Variants in CRYGB observed in about 807,000 individuals in gnomAD.
CRYGB encodes crystallin gamma B, also known as gamma-crystallin B.
CRYGB carries 19 observed loss-of-function variants against 21.3 expected under a neutral mutation model. That is an observed-to-expected ratio of 0.89 (90% CI 0.62 to 1.31). CRYGB has a LOEUF of 1.31. CRYGB is among the 50% of genes most tolerant of loss of function. The pLI is 0.00. For missense variants in CRYGB, 254 were observed against 228.4 expected, an observed-to-expected ratio of 1.11 and a Z score of -0.72; for synonymous variants, 81 against 81.2, an observed-to-expected ratio of 1.00 and a Z score of 0.01.
intron 2 of CRYGB, among the ~76,000 whole-genome samples, chr2:208,145,418 G>A (rs762224462): frequency 3.3e-5 from 5 of 151,974 alleles, no homozygotes; most frequent in Non-Finnish European, 7.4e-5. Flanking sequence ...GCCGGATGCC[G>A]TGGTTCACAC....
chr2:208,145,463 C>T lies in CRYGB; in HGVS notation c.252+311G>A, dbSNP rs373719571. Among the ~76,000 whole-genome samples, 19 of 152,056 alleles carry T rather than the reference C, an allele frequency of 1.2e-4. No individual in the cohort carries two copies. In the South Asian group the frequency reaches 3.1e-3, roughly 25 times the overall value. The stretch of plus-strand genomic sequence containing the variant: ...CAGCACTTTGGGAGGCCGAGGCGGG[C>T]GGATCACTTGAGGCCAGGAGTTCGA... On this transcript the variant is annotated intron_variant, in intron 2 of 2. Coordinates refer to ENST00000260988, the MANE Select transcript of CRYGB (RefSeq NM_005210.4).
intron 1 of CRYGB, 24 bp downstream of exon 1, chr2:208,146,087 TG>T: frequency 6.2e-7 from 1 of 1,614,238 alleles, no homozygotes; most frequent in Non-Finnish European, 8.5e-7. Context: ...GGGCCAAGGC[TG>T]AGCATCCGGT....
At position 208,145,884 on chromosome 2, in the gene CRYGB, G is replaced by T. The variant is rs533669764; in HGVS notation, c.142C>A (p.Arg48Ser). 14 of 1,614,044 alleles carry T rather than the reference G, an allele frequency of 8.7e-6. No homozygotes were observed. The highest frequency in any genetic ancestry group is 1.2e-5 in the Non-Finnish European group (14 of 1,180,010). Residue 48 changes from arginine (R) to serine (S), a missense_variant, in exon 2 of 3, where the codon CGC (arginine) becomes AGC (serine). Arg to Ser is a moderately radical substitution (Grantham distance 110, BLOSUM62 -1). Transcript: ENST00000260988. ...TACTGGTGGCCCTGGTAGTTGGGGC[G>T]CTCATAGATCATCCAGCAGCCGCTC... ...VESGCWMIYE[R>S]PNYQGHQYFL...
Position 208,146,005 on chromosome 2 carries a change from G to T in CRYGB, c.21C>A (p.Tyr7Ter). MGKITF[Y>*]EDRAFQGRSY... ...TGCGGCCCTGGAAGGCCCTGTCCTC[G>T]TAGAAGGTGATCTGAAAAATGGAAG... Residue 7 changes from tyrosine (Y) to a stop codon, truncating the protein, a stop_gained, in exon 2 of 3, where the codon TAC becomes TAA. Transcript: ENST00000260988. LOFTEE classifies it high-confidence loss of function. The T allele has an allele frequency of 1.9e-6, 3 of 1,614,160 alleles. No individual in the cohort carries two copies. Among genetic ancestry groups the T allele is most frequent in the African/African-American group, 1.3e-5 (1 of 75,026 alleles).
At position 208,142,793 on chromosome 2, in the gene CRYGB, G is replaced by C. The variant is rs199798602; in HGVS notation, c.373C>G (p.Leu125Val). The C allele has an allele frequency of 2.7e-5, 43 of 1,614,156 alleles. No individual in the cohort carries two copies. The highest frequency in any genetic ancestry group is 1.0e-4 in the Admixed American group (6 of 60,022). The change falls in exon 3 of 3, where the codon CTC becomes GTC. Residue 125 changes from leucine (L) to valine (V), a missense_variant. Physicochemically the swap from Leu to Val is conservative, Grantham distance 32. Coordinates refer to ENST00000260988, the MANE Select transcript of CRYGB (RefSeq NM_005210.4). ...ATCCAGCTGCCCTCCAGCACATTGA[G>C]GGAGTGAATTTCAGTGAGGTGGAAG... ...DRFHLTEIHSLNVLEGSWILY... is the reference protein window; with the variant it reads ...DRFHLTEIHSVNVLEGSWILY...
rs1411050773 is a variant in CRYGB, at chr2:208,145,864, G to C, written c.162C>G (p.His54Gln). Residue 54 changes from histidine (H) to glutamine (Q), a missense_variant, in exon 2 of 3, where the codon CAC becomes CAG. Physicochemically the swap from His to Gln is conservative, Grantham distance 24. Coordinates refer to ENST00000260988, the MANE Select transcript of CRYGB (RefSeq NM_005210.4). ...MIYERPNYQGHQYFLRRGEYP... is the reference protein window; with the variant it reads ...MIYERPNYQGQQYFLRRGEYP... ...ACTCCCCACGCCGCAGGAAGTACTGGTGGCCCTGGTAGTTGGGGCGCTCAT... is the reference window on the plus strand; with the variant it reads ...ACTCCCCACGCCGCAGGAAGTACTGCTGGCCCTGGTAGTTGGGGCGCTCAT... 1 of 1,614,096 alleles carries C rather than the reference G, an allele frequency of 6.2e-7. No individual in the cohort carries two copies. The highest frequency in any genetic ancestry group is 1.1e-5 in the South Asian group (1 of 91,086).
In CRYGB at chr2:208,142,729, A is replaced by G; in HGVS notation, c.437T>C (p.Leu146Pro). ...EMPNYRGRQY[L>P]LRPGEYRRFL... Reference sequence around the variant, plus strand: ...CCTCCTGTACTCCCCCGGCCTCAGCAGATACTGCCTCCCCCTGTAGTTGGG... The same window carrying G: ...CCTCCTGTACTCCCCCGGCCTCAGCGGATACTGCCTCCCCCTGTAGTTGGG... Residue 146 changes from leucine (L) to proline (P), a missense_variant, in exon 3 of 3, where the codon CTG becomes CCG. By Grantham distance (98) the Leu-to-Pro change is moderately conservative. Coordinates refer to ENST00000260988, the MANE Select transcript of CRYGB (RefSeq NM_005210.4). 2 of 1,614,160 alleles carry G rather than the reference A, an allele frequency of 1.2e-6. No homozygotes were observed. The highest frequency in any genetic ancestry group is 1.7e-6 in the Non-Finnish European group (2 of 1,180,022).
intron 2 of CRYGB, among the ~76,000 whole-genome samples, chr2:208,145,083 A>C (rs890146629): frequency 6.6e-6 from 1 of 152,204 alleles, no homozygotes; most frequent in Non-Finnish European, 1.5e-5. Flanking sequence ...CTTTAGTTTC[A>C]GATTTGGCCT....
chr2:208,146,099 A>T lies in CRYGB; in HGVS notation c.9+13T>A, dbSNP rs184047772. The T allele has an allele frequency of 0.059, 95,737 of 1,614,056 alleles. 3,373 individuals carry two copies. The highest frequency in any genetic ancestry group is 0.067 in the Non-Finnish European group (78,914 of 1,179,902). ...TTAGGGCCAAGGCTGAGCATCCGGTACCCAGGACTTACCTTTCCCATTTTG... is the reference window on the plus strand; with the variant it reads ...TTAGGGCCAAGGCTGAGCATCCGGTTCCCAGGACTTACCTTTCCCATTTTG... On this transcript the variant is annotated intron_variant, in intron 1 of 2. Coordinates refer to ENST00000260988, the MANE Select transcript of CRYGB (RefSeq NM_005210.4).
chr2:208,143,732 C>G (rs1458708163), intron 2 of CRYGB, among the ~76,000 whole-genome samples: 1 of 151,982 alleles, frequency 6.6e-6, no homozygotes, highest in African/African-American at 2.4e-5. Context: ...TAAACTCCGT[C>G]AGGAGTTCAG....
At chr2:208,143,003 G>T in intron 2 of CRYGB, 90 bp from the exon 3 acceptor site, 1 of 1,403,962 alleles carries the variant, frequency 7.1e-7, no homozygotes, top group Non-Finnish European at 9.5e-7. Context: ...GGCCACACCT[G>T]CCCAGAAGTT....
chr2:208,145,702 A>C, intron 2 of CRYGB, 72 bp downstream of exon 2: 2 of 1,499,066 alleles, frequency 1.3e-6, no homozygotes, highest in Non-Finnish European at 1.8e-6. Context: ...AAAAAAAAAA[A>C]AAAAAAAAAG....
intron 2 of CRYGB, among the ~76,000 whole-genome samples, chr2:208,144,684 G>A (rs1398836426): frequency 1.3e-5 from 2 of 149,622 alleles, no homozygotes; most frequent in East Asian, 2.0e-4. Context: ...TACCCTTCCC[G>A]GGTTCAAGCG....
At position 208,145,766 on chromosome 2, in the gene CRYGB, A is replaced by G. The variant is rs764386807; in HGVS notation, c.252+8T>C. ...AAAGATGGAAGGCAAAGACAGAGCC[A>G]CACTCACCGGGGGGATGAGGCAGCA... On this transcript the variant is annotated splice_region_variant and intron_variant, in intron 2 of 2. Coordinates refer to ENST00000260988, the MANE Select transcript of CRYGB (RefSeq NM_005210.4). 1.2e-6 allele frequency: 2 copies of G among 1,608,222 alleles called. No homozygotes were observed. Among genetic ancestry groups the G allele is most frequent in the Non-Finnish European group, 1.7e-6 (2 of 1,176,364 alleles).
At chr2:208,146,076 A>G in intron 1 of CRYGB, 36 bp downstream of exon 1, 1 of 1,614,238 alleles carries the variant, frequency 6.2e-7, no homozygotes, top group East Asian at 2.2e-5. Context: ...CCACTGCATT[A>G]GGGCCAAGGC....
In CRYGB at chr2:208,146,093, T is replaced by C; in HGVS notation, c.9+19A>G. On this transcript the variant is annotated intron_variant, in intron 1 of 2. Transcript: ENST00000260988. Reference sequence around the variant, plus strand: ...ACTGCATTAGGGCCAAGGCTGAGCATCCGGTACCCAGGACTTACCTTTCCC... The same window carrying C: ...ACTGCATTAGGGCCAAGGCTGAGCACCCGGTACCCAGGACTTACCTTTCCC... 6.2e-7 allele frequency: 1 copy of C among 1,614,190 alleles called. No individual in the cohort carries two copies. The highest frequency in any genetic ancestry group is 8.5e-7 in the Non-Finnish European group (1 of 1,180,016).
Position 208,142,702 on chromosome 2 carries a change from A to C in CRYGB, c.464T>G (p.Phe155Cys). The C allele has an allele frequency of 4.4e-6, 7 of 1,603,918 alleles. No homozygotes were observed. Among genetic ancestry groups the C allele is most frequent in the Non-Finnish European group, 5.1e-6 (6 of 1,176,804 alleles). ...YLLRPGEYRR[F>C]LDWGAPNAKV... is the part of the protein sequence containing the mutation. ...GGCATTTGGAGCCCCCCAATCAAGA[A>C]ACCTCCTGTACTCCCCCGGCCTCAG... is the stretch of plus-strand genomic sequence containing the variant. The change falls in exon 3 of 3, where the codon TTT (phenylalanine) becomes TGT (cysteine). Residue 155 changes from phenylalanine to cysteine, a missense_variant. By Grantham distance (205) the Phe-to-Cys change is radical. Transcript: ENST00000260988.
At chr2:208,143,135 G>C (rs1231094016) in intron 2 of CRYGB, among the ~76,000 whole-genome samples, 3 of 152,146 alleles carry the variant, frequency 2.0e-5, no homozygotes, top group Non-Finnish European at 4.4e-5. Flanking sequence ...TGGGAATTAA[G>C]ATTTGCTTAC....
In CRYGB at chr2:208,145,994, G is replaced by A. The variant is rs1385469941; in HGVS notation, c.32C>T (p.Ala11Val). The A allele has an allele frequency of 1.2e-5, 20 of 1,614,074 alleles. No homozygotes were observed. In the Admixed American group the frequency reaches 3.2e-4, roughly 26 times the overall value. Residue 11 changes from alanine to valine, a missense_variant, in exon 2 of 3, where the codon GCC becomes GTC. By Grantham distance (64) the Ala-to-Val change is moderately conservative (BLOSUM62 0). Coordinates refer to ENST00000260988, the MANE Select transcript of CRYGB (RefSeq NM_005210.4). ...GCATTCGTAGCTGCGGCCCTGGAAGGCCCTGTCCTCGTAGAAGGTGATCTG... is the reference window on the plus strand; with the variant it reads ...GCATTCGTAGCTGCGGCCCTGGAAGACCCTGTCCTCGTAGAAGGTGATCTG... The part of the protein sequence containing the change: MGKITFYEDR[A>V]FQGRSYECTT...
Sources: allele counts gnomAD v4.1 joint callset (sites outside exome capture counted in the v4.1 genomes callset), GRCh38; gene constraint gnomAD v4.1.1; transcripts MANE v1.5; gene names NCBI Gene and HGNC (gene_info 2026-07-23, HGNC 2026-07-21).